Variants in NEB observed in about 807,000 individuals in gnomAD.
NEB encodes the protein nemaline myopathy type 2.
A neutral mutation model predicts 952.2 loss-of-function variants in NEB; 512 were observed. That is an observed-to-expected ratio of 0.54 (90% CI 0.50 to 0.58). The LOEUF is 0.58. NEB is among the 20% of genes least tolerant of loss of function. The pLI, the probability that NEB is intolerant of heterozygous loss-of-function variation, is 0.00. For synonymous variants in NEB, 2,900 were observed against 3,149.8 expected (o/e 0.92, Z 2.66); for missense variants, 8,428 against 9,231.1 (o/e 0.91, Z 3.56).
At chr2:151,615,888 TA>T in intron 76 of NEB, 113 bp downstream of exon 76, 1 of 790,672 alleles carries the variant, frequency 1.3e-6, no homozygotes, top group Non-Finnish European at 2.1e-6. Flanking sequence ...GGAAAATCAC[TA>T]AAGGGAATTG....
At chr2:151,551,716 C>T in intron 129 of NEB, 22 bp downstream of exon 129, 1 of 1,584,010 alleles carries the variant, frequency 6.3e-7, no homozygotes, top group Non-Finnish European at 8.7e-7. Flanking sequence ...CTGCTGGGCA[C>T]TCTCAAGTTC....
intron 161 of NEB, among the ~76,000 whole-genome samples, chr2:151,511,592 T>C (rs1335172539): frequency 2.6e-5 from 4 of 152,182 alleles, no homozygotes; most frequent in Non-Finnish European, 5.9e-5. Context: ...ACGTTAACTA[T>C]GGCTTTGGAA....
At chr2:151,547,325 C>G in intron 133 of NEB, 104 bp downstream of exon 133, 1 of 832,158 alleles carries the variant, frequency 1.2e-6, no homozygotes. Flanking sequence ...TTTAGAAGTG[C>G]TTATCAGAAA....
In NEB at chr2:151,485,470, A is replaced by G. The variant is rs1340016504; in HGVS notation, c.*290T>C. 1 of 254,618 alleles carries G rather than the reference A, an allele frequency of 3.9e-6. No individual in the cohort carries two copies. Among genetic ancestry groups the G allele is most frequent in the African/African-American group, 2.2e-5 (1 of 45,222 alleles). The allele number at this position is 254,618 out of a possible 1,614,324, so 15.8% of individuals were successfully genotyped here. A position where few individuals can be genotyped will look rare whatever the true frequency, so the allele number is the denominator to read the frequency against. On this transcript the variant is annotated 3_prime_UTR_variant, in exon 182 of 182. Transcript: ENST00000397345. ...TGAACATCTCTGCTATTTTTCCTTT[A>G]ATGTGTTTGGCATATTCAAAATCCC...
intron 167 of NEB, among the ~76,000 whole-genome samples, chr2:151,502,208 G>A (rs545107350): frequency 6.6e-6 from 1 of 151,854 alleles, no homozygotes; most frequent in East Asian, 2.0e-4. Context: ...GTGAACTTTG[G>A]GGACTTGCAG....
At position 151,490,357 on chromosome 2, in the gene NEB, G is replaced by T; in HGVS notation, c.25297+15C>A. 1 of 1,583,812 alleles carries T rather than the reference G, an allele frequency of 6.3e-7. No individual in the cohort carries two copies. Among genetic ancestry groups the T allele is most frequent in the Non-Finnish European group, 8.6e-7 (1 of 1,163,742 alleles). ...GCCGGGTGGGACTGCCAAAATCAGC[G>T]CCAGGCACTTGTACCTGTTGAGACT... is the stretch of plus-strand genomic sequence containing the variant. On this transcript the variant is annotated intron_variant, in intron 180 of 181. Transcript: ENST00000397345.
chr2:151,525,318 A>C lies in NEB; in HGVS notation c.22162-45T>G, dbSNP rs764518263. 5.7e-6 allele frequency: 8 copies of C among 1,395,766 alleles called. 1 individual carries two copies. In the South Asian group the frequency reaches 9.3e-5, roughly 16 times the overall value. 86.5% of individuals were successfully genotyped at this position (1,395,766 alleles called of 1,614,324 possible). A position where few individuals can be genotyped will look rare whatever the true frequency, so the allele number is the denominator to read the frequency against. ...CTTTTATGAGTAGAGGAAGCTGGGAACAGAGTTGGTTTACTTGAAGAACTG... is the reference window on the plus strand; with the variant it reads ...CTTTTATGAGTAGAGGAAGCTGGGACCAGAGTTGGTTTACTTGAAGAACTG... On this transcript the variant is annotated intron_variant, in intron 150 of 181. Transcript: ENST00000397345.
At position 151,704,042 on chromosome 2, in the gene NEB, T is replaced by C. The variant is rs375261614; in HGVS notation, c.1152+2839A>G. 4.2e-3 allele frequency among the ~76,000 whole-genome samples: 396 copies of C among 93,484 alleles called. 5 individuals carry two copies. The highest frequency in any genetic ancestry group is 0.041 in the East Asian group (136 of 3,286). The allele number at this position is 93,484 out of a possible 152,430, so 61.3% of individuals were successfully genotyped here. The stretch of plus-strand genomic sequence containing the variant: ...GTGATGTACAGATGGGTTTTTGGTG[T>C]GGATGTCCTTTCTGTTTGTTAGTTT... On this transcript the variant is annotated intron_variant, in intron 13 of 181. Coordinates refer to ENST00000397345, the MANE Select transcript of NEB (RefSeq NM_001164508.2).
At position 151,514,882 on chromosome 2, in the gene NEB, A is replaced by G; in HGVS notation, c.22952T>C (p.Leu7651Pro). The G allele has an allele frequency of 6.3e-7, 1 of 1,588,458 alleles. No individual in the cohort carries two copies. Among genetic ancestry groups the G allele is most frequent in the Non-Finnish European group, 8.6e-7 (1 of 1,165,898 alleles). Residue 7651 changes from leucine (L) to proline (P), a missense_variant, in exon 158 of 182, where the codon CTG becomes CCG. Physicochemically the swap from Leu to Pro is moderately conservative, Grantham distance 98. This residue lies in a region of NEB where 3,374 missense variants were observed against 3,651.5 expected (regional missense o/e 0.92). Coordinates refer to ENST00000397345, the MANE Select transcript of NEB (RefSeq NM_001164508.2). ...DYEESIKGRN[L>P]TGLEVTPALL... ...AGCTGGCGTGACCTCCAGGCCAGTCAGGTTTCTGCCTTTAATGGACTCTTC... is the reference window on the plus strand; with the variant it reads ...AGCTGGCGTGACCTCCAGGCCAGTCGGGTTTCTGCCTTTAATGGACTCTTC...
chr2:151,573,320 G>A (rs1449517721), intron 107 of NEB, among the ~76,000 whole-genome samples: 1 of 152,056 alleles, frequency 6.6e-6, no homozygotes, highest in Non-Finnish European at 1.5e-5. Context: ...AATATCAATG[G>A]TAAGGTTCTG....
chr2:151,491,491 A>AT, intron 179 of NEB, 192 bp downstream of exon 179: 1 of 490,090 alleles, frequency 2.0e-6, no homozygotes, highest in Non-Finnish European at 3.7e-6. Context: ...GTGAAACAAA[A>AT]TTTTTTCTAA....
Position 151,610,879 on chromosome 2 carries a change from G to A in NEB, c.11806-13C>T, listed in dbSNP as rs754726977. 6.5e-7 allele frequency: 1 copy of A among 1,533,566 alleles called. No homozygotes were observed. Among genetic ancestry groups the A allele is most frequent in the South Asian group, 1.2e-5 (1 of 82,872 alleles). The allele number at this position is 1,533,566 out of a possible 1,614,324, so 95.0% of individuals were successfully genotyped here. ...CTGTGTATAAATGCTACAGGGCAGG[G>A]CGGCATGGGGCATGGGGAGAGGGAG... On this transcript the variant is annotated splice_polypyrimidine_tract_variant and intron_variant, in intron 78 of 181. Transcript: ENST00000397345.
At chr2:151,701,637 T>G (rs2099670518) in intron 13 of NEB, among the ~76,000 whole-genome samples, 1 of 151,900 alleles carries the variant, frequency 6.6e-6, no homozygotes, top group East Asian at 1.9e-4. Context: ...TTCTAGATTT[T>G]CTAGTTTATT....
intron 18 of NEB, 136 bp from the exon 19 acceptor site, chr2:151,694,765 T>A: frequency 1.4e-6 from 1 of 691,616 alleles, no homozygotes; most frequent in Non-Finnish European, 2.4e-6. Flanking sequence ...AAATCATGCA[T>A]ATTTTAAATA....
chr2:151,497,528 G>A, intron 171 of NEB, 98 bp downstream of exon 171: 1 of 1,502,598 alleles, frequency 6.7e-7, no homozygotes, highest in Non-Finnish European at 8.9e-7. Flanking sequence ...CAAAATTTAA[G>A]TTGTCTTTAA....
In NEB at chr2:151,554,040, T is replaced by G; in HGVS notation, c.19429-15A>C. ...CTGTACAGGCGCTGTAAAGTTAAAA[T>G]CACATGCCAGTTATACAGGAAATTG... On this transcript the variant is annotated splice_polypyrimidine_tract_variant and intron_variant, in intron 125 of 181. Coordinates refer to ENST00000397345, the MANE Select transcript of NEB (RefSeq NM_001164508.2). 6.2e-7 allele frequency: 1 copy of G among 1,612,214 alleles called. No individual in the cohort carries two copies.
Position 151,625,568 on chromosome 2 carries a change from A to T in NEB, c.10418T>A (p.Met3473Lys), listed in dbSNP as rs1199616055. 2 of 1,605,758 alleles carry T rather than the reference A, an allele frequency of 1.2e-6. No homozygotes were observed. The highest frequency in any genetic ancestry group is 3.3e-5 in the Admixed American group (2 of 59,920). The change falls in exon 71 of 182, where the codon ATG (methionine) becomes AAG (lysine). Residue 3473 changes from methionine to lysine, a missense_variant. By Grantham distance (95) the Met-to-Lys change is moderately conservative. Around this residue, in one of 11 missense-constraint regions of NEB, gnomAD observed 1,772 missense variants for 1,960.3 expected, o/e 0.90. Coordinates refer to ENST00000397345, the MANE Select transcript of NEB (RefSeq NM_001164508.2). The part of the protein sequence containing the change: ...VHIMPDTPEI[M>K]LARQNKINYS... ...ATTTATTTTATTTTGTCTTGCCAAC[A>T]TGATTTCAGGTGTATCAGGCATAAT...
intron 48 of NEB, 92 bp downstream of exon 48, chr2:151,657,891 T>C: frequency 1.2e-6 from 1 of 851,758 alleles, no homozygotes; most frequent in Non-Finnish European, 1.9e-6. Context: ...CTGTTTTTCA[T>C]ATTGTGTCCA....
chr2:151,576,746 G>C (rs1180841807), intron 105 of NEB, among the ~76,000 whole-genome samples: 1 of 151,312 alleles, frequency 6.6e-6, no homozygotes, highest in African/African-American at 2.4e-5. Context: ...TGCTAGCCAG[G>C]CTGGTCTCAA....
Sources: gnomAD v4.1 joint callset for allele counts (sites outside exome capture counted in the v4.1 genomes callset) on GRCh38, gnomAD v4.1.1 for gene constraint, gnomAD v4.1.1 regional missense constraint, MANE v1.5 for transcripts, NCBI Gene and HGNC (gene_info 2026-07-23, HGNC 2026-07-21) for gene names.